CEP192: variants seen among roughly 807,000 people sequenced by gnomAD.
The protein encoded by CEP192 is centrosomal protein 192.
CEP192 carries 151 observed loss-of-function variants against 271.8 expected under a neutral mutation model. That is an observed-to-expected ratio of 0.56 (90% CI 0.49 to 0.64). CEP192 has a LOEUF of 0.64. Ranked by LOEUF, CEP192 falls within the 30% of genes least tolerant of loss-of-function variation. The pLI is 0.00. For missense variants in CEP192, 2,910 were observed against 3,020.5 expected, an observed-to-expected ratio of 0.96 and a Z score of 0.86; for synonymous variants, 995 against 1,076.5, an observed-to-expected ratio of 0.92 and a Z score of 1.48.
At chr18:13,067,252 T>TA (rs1342179499) in intron 21 of CEP192, among the ~76,000 whole-genome samples, 4 of 152,150 alleles carry the variant, frequency 2.6e-5, no homozygotes, top group Non-Finnish European at 5.9e-5. Flanking sequence ...TATATGCAAA[T>TA]ACTATGACAT....
Position 13,056,270 on chromosome 18 carries a change from C to T in CEP192, c.3680C>T (p.Pro1227Leu), listed in dbSNP as rs752211128. ...HQTTSENQCTPIPSSTVHSSV... is the reference protein window; with the variant it reads ...HQTTSENQCTLIPSSTVHSSV... ...ACCACCTCTGAAAACCAGTGTACTCCTATTCCCAGCAGCACAGTTCACAGC... is the reference window on the plus strand; with the variant it reads ...ACCACCTCTGAAAACCAGTGTACTCTTATTCCCAGCAGCACAGTTCACAGC... The change falls in exon 19 of 45, where the codon CCT becomes CTT. Residue 1227 changes from proline to leucine, a missense_variant. Physicochemically the swap from Pro to Leu is moderately conservative, Grantham distance 98. Coordinates refer to ENST00000506447, the MANE Select transcript of CEP192 (RefSeq NM_032142.4). 97 of 1,613,590 alleles carry T rather than the reference C, an allele frequency of 6.0e-5. No homozygotes were observed. The highest frequency in any genetic ancestry group is 7.8e-5 in the Non-Finnish European group (92 of 1,179,734).
intron 3 of CEP192, among the ~76,000 whole-genome samples, chr18:13,007,028 C>G (rs2034026598): frequency 6.6e-6 from 1 of 152,178 alleles, no homozygotes; most frequent in South Asian, 2.1e-4. Context: ...CGACTCCCTT[C>G]TGCCCTCTTT....
intron 44 of CEP192, among the ~76,000 whole-genome samples, chr18:13,122,773 G>A (rs2040729903): frequency 6.6e-6 from 1 of 152,134 alleles, no homozygotes; most frequent in African/African-American, 2.4e-5. Flanking sequence ...ATTAGCTAGA[G>A]AGAGGATCTG....
At chr18:13,047,536 T>G (rs1598442511) in intron 15 of CEP192, among the ~76,000 whole-genome samples, 2 of 152,328 alleles carry the variant, frequency 1.3e-5, no homozygotes, top group East Asian at 3.9e-4. Context: ...TACTTTCTTC[T>G]CTTAGATTTT....
At chr18:13,009,552 G>A (rs142641544) in intron 4 of CEP192, among the ~76,000 whole-genome samples, 2 of 152,346 alleles carry the variant, frequency 1.3e-5, no homozygotes, top group East Asian at 1.9e-4. Flanking sequence ...TTGCCCTCGG[G>A]CCAGGCATGG....
intron 17 of CEP192, among the ~76,000 whole-genome samples, chr18:13,052,292 A>G (rs1375405802): frequency 6.6e-6 from 1 of 152,224 alleles, no homozygotes; most frequent in Non-Finnish European, 1.5e-5. Flanking sequence ...GAATGGCTGC[A>G]TAGTGTTGTA....
Position 13,056,638 on chromosome 18 carries a change from C to A in CEP192, c.4048C>A (p.Pro1350Thr). The change falls in exon 19 of 45, where the codon CCG (proline) becomes ACG (threonine). Residue 1350 changes from proline (P) to threonine (T), a missense_variant. Pro to Thr is a conservative substitution (Grantham distance 38, BLOSUM62 -1). Coordinates refer to ENST00000506447, the MANE Select transcript of CEP192 (RefSeq NM_032142.4). ...LLSTTKPFPV[P>T]SVGTNCGIEP... Reference sequence around the variant, plus strand: ...AAGCACAACAAAACCTTTTCCTGTGCCGTCTGTTGGTACAAACTGTGGAAT... The same window carrying A: ...AAGCACAACAAAACCTTTTCCTGTGACGTCTGTTGGTACAAACTGTGGAAT... 2 of 1,613,688 alleles carry A rather than the reference C, an allele frequency of 1.2e-6. No homozygotes were observed. Among genetic ancestry groups the A allele is most frequent in the Middle Eastern group, 3.3e-4 (2 of 6,060 alleles).
At chr18:13,105,947 A>T (rs577203658) in intron 40 of CEP192, among the ~76,000 whole-genome samples, 1 of 152,312 alleles carries the variant, frequency 6.6e-6, no homozygotes, top group African/African-American at 2.4e-5. Flanking sequence ...AAATTGATCT[A>T]CATATTCAGC....
chr18:13,010,013 G>A (rs142838376), intron 4 of CEP192, among the ~76,000 whole-genome samples: 14 of 152,124 alleles, frequency 9.2e-5, no homozygotes, highest in African/African-American at 3.4e-4. Flanking sequence ...ACAAAAATTA[G>A]CAGGGTATAG....
intron 30 of CEP192, among the ~76,000 whole-genome samples, chr18:13,085,187 A>G (rs2038839387): frequency 6.6e-6 from 1 of 151,936 alleles, no homozygotes; most frequent in Non-Finnish European, 1.5e-5. Context: ...GGCTGCATAA[A>G]TGTCTTCTTT....
chr18:13,089,127 T>C (rs1173195260), intron 32 of CEP192, among the ~76,000 whole-genome samples: 1 of 152,200 alleles, frequency 6.6e-6, no homozygotes, highest in African/African-American at 2.4e-5. Flanking sequence ...TTTCCATTTT[T>C]AGCATGTTCT....
Position 13,071,201 on chromosome 18 carries a change from A to C in CEP192, c.5337A>C (p.Leu1779=). 3 of 1,613,578 alleles carry C rather than the reference A, an allele frequency of 1.9e-6. No homozygotes were observed. Among genetic ancestry groups the C allele is most frequent in the Non-Finnish European group, 2.5e-6 (3 of 1,179,630 alleles). The stretch of plus-strand genomic sequence containing the variant: ...TTCTGGCTTGGGGAGGAGTCCCTCT[A>C]GGTAGAACACAGTAAGTGTCAAAGA... ...KQFLAWGGVP[L]GRTQLQKLAL... The change falls in exon 28 of 45, where the codon CTA becomes CTC. Residue 1779 remains leucine (L), a synonymous_variant. Coordinates refer to ENST00000506447, the MANE Select transcript of CEP192 (RefSeq NM_032142.4).
At chr18:13,015,291 A>C in intron 5 of CEP192, 37 bp from the exon 6 acceptor site, 1 of 1,544,156 alleles carries the variant, frequency 6.5e-7, no homozygotes, top group Non-Finnish European at 8.7e-7. Context: ...CAGAGCCCTG[A>C]ATGTGCTTCT....
chr18:13,030,493 T>C lies in CEP192; in HGVS notation c.1419T>C (p.Tyr473=), dbSNP rs550320185. The change falls in exon 11 of 45, where the codon TAT becomes TAC. Residue 473 remains tyrosine, a synonymous_variant. Coordinates refer to ENST00000506447, the MANE Select transcript of CEP192 (RefSeq NM_032142.4). Reference sequence around the variant, plus strand: ...CAGATCTCCCACAGAGTGTGGTCTATCAAAATGAAGAGGGTAGGTGGGTCA... The same window carrying C: ...CAGATCTCCCACAGAGTGTGGTCTACCAAAATGAAGAGGGTAGGTGGGTCA... ...DKTDLPQSVV[Y]QNEEGRWVTD... 1.6e-5 allele frequency: 25 copies of C among 1,611,514 alleles called. No homozygotes were observed. In the South Asian group the frequency reaches 2.6e-4, roughly 17 times the overall value.
At chr18:13,017,881 G>A (rs568731170) in intron 7 of CEP192, among the ~76,000 whole-genome samples, 21 of 152,082 alleles carry the variant, frequency 1.4e-4, no homozygotes, top group Admixed American at 1.0e-3. Flanking sequence ...TGGTTGTCCT[G>A]TCTCTTTATT....
intron 12 of CEP192, 22 bp from the exon 13 acceptor site, chr18:13,038,348 G>T: frequency 6.5e-7 from 1 of 1,532,744 alleles, no homozygotes; most frequent in South Asian, 1.2e-5. Flanking sequence ...GGAAAGAAAC[G>T]AAACAATAAC....
rs1450894251 is a variant in CEP192, at chr18:13,029,943, C to T, written c.1331C>T (p.Ser444Leu). The change falls in exon 10 of 45, where the codon TCA becomes TTA. Residue 444 changes from serine (S) to leucine (L), a missense_variant. Coordinates refer to ENST00000506447, the MANE Select transcript of CEP192 (RefSeq NM_032142.4). Reference sequence around the variant, plus strand: ...ATTAATTTCACTGATGCCATTTGGTCACCAACTTGTGAAAGGCGAACATGT... The same window carrying T: ...ATTAATTTCACTGATGCCATTTGGTTACCAACTTGTGAAAGGCGAACATGT... The part of the protein sequence containing the change: ...SGINFTDAIW[S>L]PTCERRTCEC... 2 of 1,551,628 alleles carry T rather than the reference C, an allele frequency of 1.3e-6. No individual in the cohort carries two copies. The highest frequency in any genetic ancestry group is 1.4e-5 in the African/African-American group (1 of 73,182).
At chr18:13,107,300 A>T (rs1173716407) in intron 40 of CEP192, among the ~76,000 whole-genome samples, 1 of 152,246 alleles carries the variant, frequency 6.6e-6, no homozygotes, top group Non-Finnish European at 1.5e-5. Flanking sequence ...AGTTTGAGCC[A>T]GGCTGAGCAA....
chr18:13,076,909 G>A (rs1236292177), intron 30 of CEP192, among the ~76,000 whole-genome samples: 3 of 151,984 alleles, frequency 2.0e-5, no homozygotes, highest in South Asian at 2.1e-4. Context: ...TCAGCGTCTC[G>A]AGTAGCTGGG....
Sources: allele counts gnomAD v4.1 joint callset (sites outside exome capture counted in the v4.1 genomes callset), GRCh38; gene constraint gnomAD v4.1.1; transcripts MANE v1.5; gene names NCBI Gene and HGNC (gene_info 2026-07-23, HGNC 2026-07-21).